TENT2: variants seen among roughly 807,000 people sequenced by gnomAD.
The protein encoded by TENT2 is poly(A) RNA polymerase GLD2.
Under a neutral mutation model 72.2 loss-of-function variants are expected in TENT2, and 44 were observed. The ratio of observed to expected loss-of-function variants is 0.61; its 90% confidence interval spans 0.48 to 0.78. The LOEUF (loss-of-function observed/expected upper bound fraction) is 0.78. Among genes scored for constraint, TENT2 ranks in the 30% least tolerant of loss-of-function variants. The pLI is 0.00. For synonymous variants in TENT2, 212 were observed against 192.5 expected (o/e 1.10, Z -0.84); for missense variants, 541 against 569.6 (o/e 0.95, Z 0.51).
rs1469750373 is a variant in TENT2, at chr5:79,679,606, T to G, written c.1236T>G (p.Arg412=). 1 of 1,601,658 alleles carries G rather than the reference T, an allele frequency of 6.2e-7. No individual in the cohort carries two copies. Among genetic ancestry groups the G allele is most frequent in the East Asian group, 2.2e-5 (1 of 44,746 alleles). The part of the protein sequence containing the change: ...FDWNSQMISV[R]EAKAIPRPDG... ...GGAATAGTCAAATGATTTCAGTTCG[T>G]GAAGCCAAAGCCATTCCAAGGCCTG... is the stretch of plus-strand genomic sequence containing the variant. Residue 412 remains arginine, a synonymous_variant, in exon 13 of 15, where the codon CGT becomes CGG. Transcript: ENST00000453514.
intron 4 of TENT2, among the ~76,000 whole-genome samples, chr5:79,628,338 T>C (rs191337932): frequency 1.3e-5 from 2 of 152,328 alleles, no homozygotes; most frequent in East Asian, 3.9e-4. Context: ...AGTAGAGAAA[T>C]AGCACAGTCA....
intron 14 of TENT2, 35 bp downstream of exon 14, chr5:79,682,096 A>G (rs1822425658): frequency 1.3e-6 from 2 of 1,481,748 alleles, no homozygotes; most frequent in Non-Finnish European, 1.9e-6. Flanking sequence ...TAGAAACATT[A>G]GTAGACTAGT....
At chr5:79,657,276 A>T (rs1798624709) in intron 11 of TENT2, among the ~76,000 whole-genome samples, 1 of 152,036 alleles carries the variant, frequency 6.6e-6, no homozygotes, top group South Asian at 2.1e-4. Context: ...GATTAAATAT[A>T]CTCAGTTGCC....
At chr5:79,618,394 T>G (rs981805275) in intron 1 of TENT2, among the ~76,000 whole-genome samples, 5 of 141,010 alleles carry the variant, frequency 3.5e-5, no homozygotes, top group Admixed American at 7.2e-5. Flanking sequence ...GCCTGGCTAA[T>G]TTTTTTGATT....
intron 12 of TENT2, among the ~76,000 whole-genome samples, chr5:79,677,926 G>A (rs1486762233): frequency 6.6e-6 from 1 of 152,158 alleles, no homozygotes; most frequent in Non-Finnish European, 1.5e-5. Context: ...TCAGCCTCCT[G>A]AGTAGCTGGG....
At chr5:79,655,563 C>A (rs1345765167) in intron 10 of TENT2, among the ~76,000 whole-genome samples, 2 of 151,794 alleles carry the variant, frequency 1.3e-5, no homozygotes, top group African/African-American at 4.8e-5. Flanking sequence ...TGTATTATAA[C>A]CAAAATTACT....
chr5:79,654,579 C>T (rs769135591), intron 10 of TENT2, among the ~76,000 whole-genome samples: 19 of 152,106 alleles, frequency 1.2e-4, no homozygotes, highest in South Asian at 6.2e-4. Context: ...GCCTGGCCAA[C>T]GTGGCGAAAC....
chr5:79,634,154 CA>C (rs542035431), intron 4 of TENT2, among the ~76,000 whole-genome samples: 7,477 of 59,172 alleles, frequency 0.13, 179 homozygotes, highest in South Asian at 0.22. Flanking sequence ...GACTCCGTCT[CA>C]AAAAAAAAAA....
intron 4 of TENT2, among the ~76,000 whole-genome samples, chr5:79,634,772 G>T (rs1778752109): frequency 6.6e-6 from 1 of 150,378 alleles, no homozygotes; most frequent in South Asian, 2.1e-4. Flanking sequence ...ATAGATCTTG[G>T]TAGGTAGCCT....
intron 11 of TENT2, among the ~76,000 whole-genome samples, chr5:79,667,571 T>G (rs1809307558): frequency 6.6e-6 from 1 of 152,072 alleles, no homozygotes; most frequent in South Asian, 2.1e-4. Flanking sequence ...CTGTTAGAAA[T>G]GTAAGGGGAA....
intron 4 of TENT2, among the ~76,000 whole-genome samples, chr5:79,628,778 A>G (rs914285979): frequency 1.3e-5 from 2 of 152,232 alleles, no homozygotes; most frequent in African/African-American, 4.8e-5. Flanking sequence ...CACACTAATC[A>G]TATAGGGCTT....
intron 11 of TENT2, among the ~76,000 whole-genome samples, chr5:79,668,513 A>C (rs1287616141): frequency 6.6e-6 from 1 of 152,192 alleles, no homozygotes; most frequent in African/African-American, 2.4e-5. Flanking sequence ...TTATACATGA[A>C]GTATAACTGC....
chr5:79,619,467 G>C (rs1763042613), intron 1 of TENT2, 145 bp from the exon 2 acceptor site: 1 of 477,684 alleles, frequency 2.1e-6, no homozygotes, highest in African/African-American at 2.0e-5. Flanking sequence ...GTTACCTACA[G>C]TGGCACTTAG....
At chr5:79,653,604 A>G (rs1332264516) in intron 10 of TENT2, among the ~76,000 whole-genome samples, 6 of 152,128 alleles carry the variant, frequency 3.9e-5, no homozygotes. Context: ...CCATTTACTG[A>G]AGTGGTTTAT....
chr5:79,646,260 A>G (rs1033738093), intron 8 of TENT2, among the ~76,000 whole-genome samples: 5 of 152,180 alleles, frequency 3.3e-5, no homozygotes, highest in African/African-American at 1.2e-4. Flanking sequence ...CATGAGTTAT[A>G]GTACTCTTGG....
chr5:79,661,121 A>C lies in TENT2; in HGVS notation c.1071+4120A>C, dbSNP rs188635229. ...GTTACAAAACAGCCTAAAAGTTAAA[A>C]AGTTTTTAAAATAAAGTAAGCTAAG... On this transcript the variant is annotated intron_variant, in intron 11 of 14. Transcript: ENST00000453514. 9.0e-4 allele frequency among the ~76,000 whole-genome samples: 137 copies of C among 152,310 alleles called. 2 individuals are homozygous for C. Among genetic ancestry groups the C allele is most frequent in the African/African-American group, 3.1e-3 (129 of 41,570 alleles).
At chr5:79,664,196 G>A (rs1225665560) in intron 11 of TENT2, among the ~76,000 whole-genome samples, 8 of 152,068 alleles carry the variant, frequency 5.3e-5, no homozygotes, top group Admixed American at 4.6e-4. Flanking sequence ...GGAATACCAA[G>A]GGACAACTGT....
At chr5:79,642,604 A>G (rs559996877) in intron 6 of TENT2, among the ~76,000 whole-genome samples, 3 of 152,106 alleles carry the variant, frequency 2.0e-5, no homozygotes, top group Non-Finnish European at 4.4e-5. Flanking sequence ...ATTGTGCTTT[A>G]AGCTTAAAAT....
At chr5:79,617,185 T>C (rs1760918180) in intron 1 of TENT2, among the ~76,000 whole-genome samples, 1 of 151,420 alleles carries the variant, frequency 6.6e-6, no homozygotes, top group Non-Finnish European at 1.5e-5. Flanking sequence ...TTATTTTTAC[T>C]GAAAATGAGA....
Sources: allele counts gnomAD v4.1 joint callset (sites outside exome capture counted in the v4.1 genomes callset), GRCh38; gene constraint gnomAD v4.1.1; transcripts MANE v1.5; gene names NCBI Gene and HGNC (gene_info 2026-07-23, HGNC 2026-07-21).